UBAP2: variants seen among roughly 807,000 people sequenced by gnomAD.
The protein encoded by UBAP2 is ubiquitin associated protein 2, also known as ubiquitin-associated protein 2.
In UBAP2, 75 loss-of-function variants were observed where a neutral mutation model predicts 139.6. The observed-to-expected ratio is 0.54, with a 90% confidence interval of 0.45 to 0.65. The LOEUF (loss-of-function observed/expected upper bound fraction) is 0.65. Among genes scored for constraint, UBAP2 ranks in the 30% least tolerant of loss-of-function variants. UBAP2 has a pLI of 0.00. For synonymous variants in UBAP2, 526 were observed against 526.2 expected, an observed-to-expected ratio of 1.00 and a Z score of 0.01; for missense variants, 1,368 against 1,369.6, an observed-to-expected ratio of 1.00 and a Z score of 0.02.
chr9:33,972,517 T>TA (rs2058598166), intron 7 of UBAP2, among the ~76,000 whole-genome samples: 1 of 152,204 alleles, frequency 6.6e-6, no homozygotes, highest in African/African-American at 2.4e-5. Context: ...TGCCTGAAGT[T>TA]AGAGAGAGAC....
At chr9:34,005,362 G>A (rs1388056462) in intron 2 of UBAP2, among the ~76,000 whole-genome samples, 1 of 150,282 alleles carries the variant, frequency 6.7e-6, no homozygotes, top group Non-Finnish European at 1.5e-5. Flanking sequence ...TTGAACCTGG[G>A]AGGCAGAGGG....
chr9:33,947,078 TTGCTATG>T (rs1335959079), intron 13 of UBAP2, among the ~76,000 whole-genome samples: 2 of 152,188 alleles, frequency 1.3e-5, no homozygotes, highest in Admixed American at 6.5e-5. Context: ...ATCTGTAATT[TTGCTATG>T]TGCTATAGCA....
chr9:33,972,653 A>G (rs2131059538), intron 7 of UBAP2, among the ~76,000 whole-genome samples: 1 of 152,306 alleles, frequency 6.6e-6, no homozygotes, highest in East Asian at 1.9e-4. Context: ...AAAAAGTAAA[A>G]AAACACCCAG....
chr9:34,005,129 G>A (rs1470258422), intron 2 of UBAP2, among the ~76,000 whole-genome samples: 1 of 151,960 alleles, frequency 6.6e-6, no homozygotes, highest in African/African-American at 2.4e-5. Context: ...AGTGCGTGGT[G>A]GCACGAGCCT....
At chr9:33,925,385 C>CT (rs1823339924) in intron 22 of UBAP2, among the ~76,000 whole-genome samples, 4 of 152,162 alleles carry the variant, frequency 2.6e-5, no homozygotes, top group African/African-American at 7.2e-5. Context: ...CAGGCAGGAA[C>CT]TAGGCTCACA....
chr9:34,014,081 G>C (rs2131263852), intron 2 of UBAP2, among the ~76,000 whole-genome samples: 1 of 151,640 alleles, frequency 6.6e-6, no homozygotes, highest in South Asian at 2.1e-4. Flanking sequence ...CCAACACCTT[G>C]GGAGATCAAG....
At chr9:33,992,168 C>G (rs1449035218) in intron 4 of UBAP2, among the ~76,000 whole-genome samples, 1 of 151,914 alleles carries the variant, frequency 6.6e-6, no homozygotes, top group African/African-American at 2.4e-5. Flanking sequence ...GCGGGTGGAT[C>G]ACCTGAGGTT....
At chr9:34,004,303 G>A (rs1252942786) in intron 2 of UBAP2, among the ~76,000 whole-genome samples, 1 of 152,014 alleles carries the variant, frequency 6.6e-6, no homozygotes, top group Non-Finnish European at 1.5e-5. Flanking sequence ...TATTAAGACT[G>A]CAAAACCTCA....
rs1325791736 is a variant in UBAP2, at chr9:33,989,241, C to T, written c.289-115G>A. The T allele has an allele frequency of 3.3e-5, 42 of 1,268,594 alleles. 1 individual carries two copies. In the South Asian group the frequency reaches 3.7e-4, roughly 11 times the overall value. 78.6% of individuals were successfully genotyped at this position (1,268,594 alleles called of 1,614,324 possible). A position where few individuals can be genotyped will look rare whatever the true frequency, so the allele number is the denominator to read the frequency against. ...TTTTTGAGACGGAGTCTCGCTCTGT[C>T]GCCCAGGCTGGAGTGCATGGCGCCC... On this transcript the variant is annotated intron_variant, in intron 4 of 28. Coordinates refer to ENST00000379238, the MANE Select transcript of UBAP2 (RefSeq NM_001370062.2).
chr9:33,971,880 C>A, intron 7 of UBAP2, 126 bp from the exon 8 acceptor site: 1 of 599,482 alleles, frequency 1.7e-6, no homozygotes, highest in South Asian at 2.0e-5. Context: ...AAAGACATCA[C>A]CTCTCCTTCC....
chr9:34,012,268 T>A (rs992155896), intron 2 of UBAP2, among the ~76,000 whole-genome samples: 1 of 152,204 alleles, frequency 6.6e-6, no homozygotes, highest in African/African-American at 2.4e-5. Context: ...CAGTGGCTCA[T>A]GCTTGTAATC....
At chr9:33,949,452 C>T (rs1825914372) in intron 12 of UBAP2, among the ~76,000 whole-genome samples, 1 of 152,116 alleles carries the variant, frequency 6.6e-6, no homozygotes. Context: ...CCTGTAACCC[C>T]AGCACTTTGG....
Position 33,922,399 on chromosome 9 carries a change from C to G in UBAP2, c.*105G>C, listed in dbSNP as rs200858756. ...ACTCCCCACAGAGGCATGGCTGACACATGTCGGGAATTCTAGGAAAGGGCA... is the reference window on the plus strand; with the variant it reads ...ACTCCCCACAGAGGCATGGCTGACAGATGTCGGGAATTCTAGGAAAGGGCA... On this transcript the variant is annotated 3_prime_UTR_variant, in exon 29 of 29. Coordinates refer to ENST00000379238, the MANE Select transcript of UBAP2 (RefSeq NM_001370062.2). 22 of 1,110,370 alleles carry G rather than the reference C, an allele frequency of 2.0e-5. No individual in the cohort carries two copies. The highest frequency in any genetic ancestry group is 1.9e-4 in the Middle Eastern group (1 of 5,184). The allele number at this position is 1,110,370 out of a possible 1,614,324, so 68.8% of individuals were successfully genotyped here. A position where few individuals can be genotyped will look rare whatever the true frequency, so the allele number is the denominator to read the frequency against.
At chr9:33,973,707 G>A (rs1304428289) in intron 6 of UBAP2, among the ~76,000 whole-genome samples, 1 of 152,152 alleles carries the variant, frequency 6.6e-6, no homozygotes, top group East Asian at 1.9e-4. Flanking sequence ...AGAAAATTAT[G>A]ACTAGCACCT....
chr9:33,948,599 G>C lies in UBAP2; in HGVS notation c.1057-12C>G. ...CCAAGGACGGATGACTTTAAAAGGG[G>C]GATAAAAGAACAAATCCTCAACAAT... On this transcript the variant is annotated splice_polypyrimidine_tract_variant and intron_variant, in intron 12 of 28. Coordinates refer to ENST00000379238, the MANE Select transcript of UBAP2 (RefSeq NM_001370062.2). The C allele has an allele frequency of 1.2e-6, 2 of 1,611,574 alleles. No homozygotes were observed. The highest frequency in any genetic ancestry group is 1.7e-6 in the Non-Finnish European group (2 of 1,178,276).
chr9:34,015,386 T>C (rs971368903), intron 2 of UBAP2, among the ~76,000 whole-genome samples: 1 of 152,146 alleles, frequency 6.6e-6, no homozygotes, highest in African/African-American at 2.4e-5. Flanking sequence ...TGGTGTGATC[T>C]TGGCTCACTG....
intron 12 of UBAP2, among the ~76,000 whole-genome samples, chr9:33,950,504 C>T (rs530091589): frequency 2.6e-5 from 4 of 152,354 alleles, no homozygotes; most frequent in East Asian, 3.9e-4. Flanking sequence ...ATCCTAACTT[C>T]GCTTTGAGTA....
chr9:33,984,654 G>C (rs1821051856), intron 6 of UBAP2, among the ~76,000 whole-genome samples: 2 of 151,336 alleles, frequency 1.3e-5, no homozygotes, highest in Admixed American at 1.3e-4. Context: ...CTCCAGCCTG[G>C]GCAACAGAGT....
At chr9:34,002,910 A>AC (rs911572081) in intron 2 of UBAP2, among the ~76,000 whole-genome samples, 3 of 151,164 alleles carry the variant, frequency 2.0e-5, no homozygotes, top group African/African-American at 7.3e-5. Flanking sequence ...TTAATATTGA[A>AC]CCCCCCGAGC....
Sources: allele counts gnomAD v4.1 joint callset (sites outside exome capture counted in the v4.1 genomes callset), GRCh38; gene constraint gnomAD v4.1.1; transcripts MANE v1.5; gene names NCBI Gene and HGNC (gene_info 2026-07-23, HGNC 2026-07-21).